Variants in PTPRF observed in about 807,000 individuals in gnomAD.
PTPRF encodes the protein receptor-type tyrosine-protein phosphatase F.
PTPRF carries 59 observed loss-of-function variants against 201.8 expected under a neutral mutation model. The observed-to-expected ratio is 0.29, with a 90% CI of 0.24 to 0.36. The LOEUF is 0.36. Among genes scored for constraint, PTPRF ranks in the 10% least tolerant of loss-of-function variants. PTPRF has a pLI of 1.00. For synonymous variants in PTPRF, 1,088 were observed against 1,089.7 expected (o/e 1.00, Z 0.03); for missense variants, 2,132 against 2,690.5 (o/e 0.79, Z 4.59).
At chr1:43,594,286 C>T (rs1396846679) in intron 11 of PTPRF, among the ~76,000 whole-genome samples, 1 of 37,348 alleles carries the variant, frequency 2.7e-5, no homozygotes, top group African/African-American at 7.7e-5. Context: ...GTCACCTCCC[C>T]AAGGCCTGAA....
At position 43,619,710 on chromosome 1, in the gene PTPRF, C is replaced by T. The variant is rs749990734; in HGVS notation, c.4963C>T (p.Arg1655Cys). 15 of 1,614,086 alleles carry T rather than the reference C, an allele frequency of 9.3e-6. No homozygotes were observed. Among genetic ancestry groups the T allele is most frequent in the South Asian group, 3.3e-5 (3 of 91,090 alleles). Residue 1655 changes from arginine (R) to cysteine (C), a missense_variant, in exon 29 of 34, where the codon CGC becomes TGC. By Grantham distance (180) the Arg-to-Cys change is radical. Transcript: ENST00000359947. Reference sequence around the variant, plus strand: ...GGCCAGCTCCAAGGCCCACACGTCCCGCTTCATCAGCGCCAACCTGCCCTG... The same window carrying T: ...GGCCAGCTCCAAGGCCCACACGTCCTGCTTCATCAGCGCCAACCTGCCCTG... The part of the protein sequence containing the change: ...LLASSKAHTS[R>C]FISANLPCNK...
intron 6 of PTPRF, among the ~76,000 whole-genome samples, chr1:43,575,412 G>A (rs1447520456): frequency 5.3e-5 from 8 of 152,294 alleles, no homozygotes; most frequent in South Asian, 4.1e-4. Context: ...GCTGGGCTGC[G>A]TGTTGTGGGA....
rs571629175 is a variant in PTPRF, at chr1:43,618,865, C to T, written c.4491+116C>T. On this transcript the variant is annotated intron_variant, in intron 26 of 33. Coordinates refer to ENST00000359947, the MANE Select transcript of PTPRF (RefSeq NM_002840.5). ...CCTGGGTGTTGGAGGGTCGGAGGCT[C>T]AGGTGTGTGAGTGATGTGATGATCC... 8.6e-5 allele frequency: 127 copies of T among 1,485,348 alleles called. No homozygotes were observed. The African/African-American group carries it at 1.6e-3, about 19-fold the overall frequency. 92.0% of individuals were successfully genotyped at this position (1,485,348 alleles called of 1,614,324 possible). A position where few individuals can be genotyped will look rare whatever the true frequency, so the allele number is the denominator to read the frequency against.
Position 43,609,452 on chromosome 1 carries a change from C to T in PTPRF, c.3927C>T (p.His1309=), listed in dbSNP as rs904807047. The part of the protein sequence containing the change: ...SIGLKDSLLA[H]SSDPVEMRRL... The stretch of plus-strand genomic sequence containing the variant: ...GACTGAAGGACTCCTTGCTGGCCCA[C>T]TCCTCTGACCCTGTGGAGATGCGGA... Residue 1309 remains histidine (H), a synonymous_variant, in exon 22 of 34, where the codon CAC becomes CAT. Transcript: ENST00000359947. The T allele has an allele frequency of 6.2e-7, 1 of 1,614,102 alleles. No homozygotes were observed. The highest frequency in any genetic ancestry group is 1.3e-5 in the African/African-American group (1 of 75,044).
At chr1:43,615,010 T>C (rs1033628261) in intron 23 of PTPRF, among the ~76,000 whole-genome samples, 7 of 152,270 alleles carry the variant, frequency 4.6e-5, no homozygotes, top group Admixed American at 1.3e-4. Context: ...CTGGCCTCAG[T>C]AGATGGTTGG....
At chr1:43,585,443 A>G (rs1648890260) in intron 7 of PTPRF, among the ~76,000 whole-genome samples, 1 of 152,250 alleles carries the variant, frequency 6.6e-6, no homozygotes, top group Admixed American at 6.5e-5. Flanking sequence ...GCTGAAGCCC[A>G]GTGTCCTTGT....
intron 6 of PTPRF, among the ~76,000 whole-genome samples, chr1:43,570,065 A>G (rs946494222): frequency 3.3e-5 from 5 of 152,158 alleles, no homozygotes; most frequent in South Asian, 2.1e-4. Flanking sequence ...AGGGTGCTCT[A>G]TGGATGTTCA....
chr1:43,550,615 A>G (rs1295085048), intron 3 of PTPRF, among the ~76,000 whole-genome samples: 1 of 152,250 alleles, frequency 6.6e-6, no homozygotes, highest in Non-Finnish European at 1.5e-5. Context: ...TGCCCTGCCC[A>G]GGGTTATGTT....
Position 43,554,182 on chromosome 1 carries a change from C to T in PTPRF, c.379+241C>T, listed in dbSNP as rs532074815. Among the ~76,000 whole-genome samples the T allele has an allele frequency of 1.3e-5, 2 of 152,228 alleles. No homozygotes were observed. The highest frequency in any genetic ancestry group is 4.2e-4 in the South Asian group (2 of 4,814). ...TTTGTATTCTCCTGCTGAGCCGGGT[C>T]GTTGGTTGGGTGGGGTCTGGGGTCT... is the stretch of plus-strand genomic sequence containing the variant. On this transcript the variant is annotated intron_variant, in intron 5 of 33. Transcript: ENST00000359947. This position sits in a 1 kb window ranked among gnomAD's most constrained non-coding sequence, Gnocchi z 4.1.
intron 3 of PTPRF, among the ~76,000 whole-genome samples, chr1:43,551,674 T>C (rs934587999): frequency 1.3e-5 from 2 of 152,306 alleles, no homozygotes; most frequent in Non-Finnish European, 2.9e-5. Context: ...TCCGAGCCTC[T>C]ATTTCCCCAC....
intron 1 of PTPRF, chr1:43,532,590 G>T: frequency 5.5e-6 from 1 of 180,992 alleles, no homozygotes; most frequent in Non-Finnish European, 1.2e-5. Flanking sequence ...TGCTGAGAAG[G>T]GAAGATCTGG....
chr1:43,566,002 C>T (rs1255956484), intron 5 of PTPRF, among the ~76,000 whole-genome samples: 3 of 152,326 alleles, frequency 2.0e-5, no homozygotes, highest in African/African-American at 7.2e-5. Flanking sequence ...TGGTGCATCC[C>T]GGGGTTGGAA....
At chr1:43,531,518 C>T (rs1258264096) in intron 1 of PTPRF, among the ~76,000 whole-genome samples, 1 of 147,094 alleles carries the variant, frequency 6.8e-6, no homozygotes, top group Non-Finnish European at 1.5e-5. Context: ...CCCCCAGCCC[C>T]GGGCTCCGGG....
At chr1:43,558,669 G>A (rs1248598653) in intron 5 of PTPRF, among the ~76,000 whole-genome samples, 4 of 152,176 alleles carry the variant, frequency 2.6e-5, no homozygotes, top group East Asian at 1.9e-4. Flanking sequence ...CTCTTGAGGC[G>A]GCGGCTGAAT....
chr1:43,559,364 G>A (rs1482243203), intron 5 of PTPRF, among the ~76,000 whole-genome samples: 1 of 152,184 alleles, frequency 6.6e-6, no homozygotes, highest in Non-Finnish European at 1.5e-5. Context: ...GGCAGTGCGT[G>A]GTGTGGTGGT....
intron 13 of PTPRF, among the ~76,000 whole-genome samples, chr1:43,601,418 C>A (rs1303714721): frequency 6.6e-6 from 1 of 152,266 alleles, no homozygotes; most frequent in East Asian, 1.9e-4. Context: ...GGCTACAGCC[C>A]AGGCTCTGAG....
chr1:43,588,009 C>A lies in PTPRF; in HGVS notation c.680-722C>A, dbSNP rs763738023. On this transcript the variant is annotated intron_variant, in intron 7 of 33. Coordinates refer to ENST00000359947, the MANE Select transcript of PTPRF (RefSeq NM_002840.5). This position sits in a 1 kb window ranked among gnomAD's most constrained non-coding sequence, Gnocchi z 5.3. The stretch of plus-strand genomic sequence containing the variant: ...TTGTTGGCGCAGGAAGCCGTCTGTT[C>A]GGCGCCCTCATCATGTTACTGCCAT... Among the ~76,000 whole-genome samples the A allele has an allele frequency of 6.6e-6, 1 of 152,204 alleles. No homozygotes were observed. The highest frequency in any genetic ancestry group is 2.1e-4 in the South Asian group (1 of 4,828).
Position 43,623,040 on chromosome 1 carries a change from TGTG to T in PTPRF, c.*1041_*1043del, listed in dbSNP as rs1659504988. ...TTTGGTCCCCAGCATTGCAGTATGG[TGTG>T]GTGTTTGTAGGCTGTGGGGTCTGGC... On this transcript the variant is annotated 3_prime_UTR_variant, in exon 34 of 34. Transcript: ENST00000359947. 6.6e-6 allele frequency: 1 copy of T among 152,468 alleles called. No individual in the cohort carries two copies. Among genetic ancestry groups the T allele is most frequent in the Admixed American group, 6.6e-5 (1 of 15,266 alleles). 9.4% of individuals were successfully genotyped at this position (152,468 alleles called of 1,614,324 possible). A position where few individuals can be genotyped will look rare whatever the true frequency, so the allele number is the denominator to read the frequency against.
At chr1:43,620,763 C>T in intron 31 of PTPRF, 75 bp from the exon 32 acceptor site, 1 of 1,556,600 alleles carries the variant, frequency 6.4e-7, no homozygotes, top group Non-Finnish European at 8.7e-7. Context: ...TATCATGGTA[C>T]TACCCTGGTC....
Sources: allele counts gnomAD v4.1 joint callset (sites outside exome capture counted in the v4.1 genomes callset), GRCh38; gene constraint gnomAD v4.1.1; non-coding constraint Gnocchi (gnomAD v3.1); transcripts MANE v1.5; gene names NCBI Gene and HGNC (gene_info 2026-07-23, HGNC 2026-07-21).